The following RGS5 variants were observed in gnomAD, a reference collection of about 807,000 sequenced individuals.
The protein encoded by RGS5 is regulator of G protein signaling 5.
A neutral mutation model predicts 18.9 loss-of-function variants in RGS5; 20 were observed. The observed-to-expected ratio is 1.06, with a 90% CI of 0.74 to 1.54. The LOEUF (loss-of-function observed/expected upper bound fraction) is 1.54, where lower values mean the gene tolerates loss of function less well. Among genes scored for constraint, RGS5 ranks in the 40% most tolerant of loss-of-function variants. The pLI, the probability that RGS5 is intolerant of heterozygous loss-of-function variation, is 0.00. For missense variants in RGS5, 201 were observed against 211.8 expected (o/e 0.95, Z 0.32); for synonymous variants, 57 against 76.2 (o/e 0.75, Z 1.31).
intron 2 of RGS5, among the ~76,000 whole-genome samples, chr1:163,240,953 C>T (rs543694090): frequency 9.5e-4 from 144 of 152,210 alleles, no homozygotes; most frequent in Admixed American, 5.3e-3. Flanking sequence ...TCCTCAAACC[C>T]GCCAACTACT....
chr1:163,181,131 AG>A (rs1326838198), intron 1 of RGS5, among the ~76,000 whole-genome samples: 1 of 152,150 alleles, frequency 6.6e-6, no homozygotes, highest in Non-Finnish European at 1.5e-5. Flanking sequence ...GTGGGGTTTG[AG>A]GATTCACATC....
chr1:163,194,570 G>A (rs1450949013), intron 1 of RGS5, among the ~76,000 whole-genome samples: 1 of 152,050 alleles, frequency 6.6e-6, no homozygotes, highest in East Asian at 1.9e-4. Context: ...CAGTGTTACA[G>A]CTCAGGTGCC....
intron 2 of RGS5, among the ~76,000 whole-genome samples, chr1:163,236,188 T>C (rs1161520483): frequency 1.3e-5 from 2 of 152,106 alleles, no homozygotes; most frequent in Non-Finnish European, 2.9e-5. Flanking sequence ...TCTCATATGT[T>C]ATACAGCTAA....
intron 2 of RGS5, among the ~76,000 whole-genome samples, chr1:163,164,073 GGGTGAAATT>G (rs565393330): frequency 3.9e-5 from 6 of 152,170 alleles, no homozygotes; most frequent in Non-Finnish European, 8.8e-5. Context: ...GCCCGCTTGG[GGGTGAAATT>G]GGTCCAAATT....
chr1:163,233,475 G>T (rs1325733866), intron 2 of RGS5, among the ~76,000 whole-genome samples: 3 of 152,182 alleles, frequency 2.0e-5, no homozygotes, highest in Admixed American at 1.3e-4. Flanking sequence ...AAATTTCAAT[G>T]TAAACAGCCA....
At chr1:163,280,687 G>A (rs1648969935) in intron 2 of RGS5, among the ~76,000 whole-genome samples, 1 of 151,946 alleles carries the variant, frequency 6.6e-6, no homozygotes, top group Non-Finnish European at 1.5e-5. Flanking sequence ...GATCATACTA[G>A]CAAAGCAATC....
chr1:163,159,525 C>T (rs951914876), intron 3 of RGS5, among the ~76,000 whole-genome samples: 1 of 152,194 alleles, frequency 6.6e-6, no homozygotes, highest in Non-Finnish European at 1.5e-5. Context: ...GTCTCACTTA[C>T]TGATGGCTTT....
At chr1:163,312,635 A>C (rs1042493044) in intron 1 of RGS5, among the ~76,000 whole-genome samples, 1 of 152,238 alleles carries the variant, frequency 6.6e-6, no homozygotes, top group Non-Finnish European at 1.5e-5. Flanking sequence ...CATTTTAAAC[A>C]GTACTGGATG....
chr1:163,286,644 T>A (rs917902881), intron 2 of RGS5, among the ~76,000 whole-genome samples: 1 of 152,148 alleles, frequency 6.6e-6, no homozygotes, highest in Non-Finnish European at 1.5e-5. Flanking sequence ...TCAAAAACAA[T>A]TTGGATACTT....
At chr1:163,159,948 T>C (rs1311262815) in intron 3 of RGS5, among the ~76,000 whole-genome samples, 1 of 152,186 alleles carries the variant, frequency 6.6e-6, no homozygotes, top group African/African-American at 2.4e-5. Flanking sequence ...TTTTCCCCTC[T>C]GAGAAGTAGA....
chr1:163,303,256 C>A (rs747088353), intron 2 of RGS5, among the ~76,000 whole-genome samples: 4 of 152,178 alleles, frequency 2.6e-5, no homozygotes, highest in Admixed American at 6.5e-5. Flanking sequence ...ATCCTCCCAA[C>A]AAACTCTTAT....
At position 163,144,834 on chromosome 1, in the gene RGS5, T is replaced by A. The variant is rs1036993361; in HGVS notation, c.*2508A>T. On this transcript the variant is annotated 3_prime_UTR_variant, in exon 5 of 5. Coordinates refer to ENST00000313961, the MANE Select transcript of RGS5 (RefSeq NM_003617.4). The stretch of plus-strand genomic sequence containing the variant: ...CTTTCAGAAGTGTTCAAAGAAATTT[T>A]CTTGAACAATTTTAATATGTTTGAT... 6.6e-6 allele frequency: 1 copy of A among 152,634 alleles called. No individual in the cohort carries two copies. Among genetic ancestry groups the A allele is most frequent in the South Asian group, 2.1e-4 (1 of 4,832 alleles). 9.5% of individuals were successfully genotyped at this position (152,634 alleles called of 1,614,324 possible).
intron 2 of RGS5, among the ~76,000 whole-genome samples, chr1:163,243,957 TAAACTC>T: frequency 6.6e-6 from 1 of 152,290 alleles, no homozygotes; most frequent in East Asian, 1.9e-4. Context: ...TTAAGATAAT[TAAACTC>T]TAATATAAAA....
At position 163,256,009 on chromosome 1, in the gene RGS5, C is replaced by G. The variant is rs1261607847; in HGVS notation, c.-281+50224G>C. Among the ~76,000 whole-genome samples the G allele has an allele frequency of 9.1e-4, 138 of 151,984 alleles. 1 individual carries two copies. Among genetic ancestry groups the G allele is most frequent in the South Asian group, 4.4e-3 (21 of 4,816 alleles). On this transcript the variant is annotated intron_variant, in intron 2 of 5. Transcript: ENST00000618415. ...ACAAACCCACAGCCAATATCATACT[C>G]AATGGGCAAAAACTGGAAGCATTCC...
At chr1:163,306,122 T>A (rs1649692470) in intron 2 of RGS5, 1 of 152,226 alleles carries the variant, frequency 6.6e-6, no homozygotes, top group African/African-American at 2.4e-5. Flanking sequence ...GTTATTCTCA[T>A]TTCAATTTTA....
intron 1 of RGS5, among the ~76,000 whole-genome samples, chr1:163,171,418 G>A (rs1007224306): frequency 6.6e-6 from 1 of 152,040 alleles, no homozygotes; most frequent in Non-Finnish European, 1.5e-5. Flanking sequence ...CCCATCTGTG[G>A]AATCCATGCT....
chr1:163,202,947 A>C, upstream of RGS5: 1 of 970,544 alleles, frequency 1.0e-6, no homozygotes, highest in Non-Finnish European at 1.6e-6. Flanking sequence ...GTATATATAG[A>C]AGCTCTTTCC....
intron 2 of RGS5, among the ~76,000 whole-genome samples, chr1:163,243,005 A>G (rs1647829396): frequency 6.6e-6 from 1 of 152,208 alleles, no homozygotes; most frequent in Admixed American, 6.5e-5. Context: ...TCAAAGATAC[A>G]TTTGTATAGG....
At position 163,173,429 on chromosome 1, in the gene RGS5, G is replaced by C. The variant is rs1385558883; in HGVS notation, c.45-5061C>G. ...GCAGTTTTAAATCTGCTCCCTGTGT[G>C]GGTATGCTGGCTGGCTGGGAAGTCA... On this transcript the variant is annotated intron_variant, in intron 1 of 4. Transcript: ENST00000313961. Among the ~76,000 whole-genome samples, 4 of 152,154 alleles carry C rather than the reference G, an allele frequency of 2.6e-5. No individual in the cohort carries two copies. The South Asian group carries it at 8.3e-4, about 32-fold the overall frequency.
Sources: allele counts gnomAD v4.1 joint callset (sites outside exome capture counted in the v4.1 genomes callset), GRCh38; gene constraint gnomAD v4.1.1; transcripts MANE v1.5; gene names NCBI Gene and HGNC (gene_info 2026-07-23, HGNC 2026-07-21).